Variants in CAMTA2 observed in about 807,000 individuals in gnomAD.
The protein encoded by CAMTA2 is calmodulin-binding transcription activator 2.
A neutral mutation model predicts 135.7 loss-of-function variants in CAMTA2; 56 were observed. The ratio of observed to expected loss-of-function variants is 0.41; its 90% confidence interval spans 0.33 to 0.52. The LOEUF (loss-of-function observed/expected upper bound fraction) is 0.52. Among genes scored for constraint, CAMTA2 ranks in the 20% least tolerant of loss-of-function variants. CAMTA2 has a pLI of 0.16. For missense variants in CAMTA2, 1,358 were observed against 1,553.4 expected (o/e 0.87, Z 2.11); for synonymous variants, 591 against 604.6 (o/e 0.98, Z 0.33).
intron 1 of CAMTA2, chr17:4,986,941 A>C: frequency 6.6e-7 from 1 of 1,520,288 alleles, no homozygotes; most frequent in East Asian, 2.6e-5. Flanking sequence ...CCTGGCCTCC[A>C]GGCCTAGCCT....
At chr17:4,987,443 T>C (rs1382142473) in intron 1 of CAMTA2, 150 bp downstream of exon 1, 2 of 1,381,692 alleles carry the variant, frequency 1.4e-6, no homozygotes, top group Non-Finnish European at 1.9e-6. Context: ...CGGCGCCCCC[T>C]GGCGCGGGGG....
chr17:4,981,886 G>T, intron 6 of CAMTA2, 55 bp from the exon 7 acceptor site: 1 of 1,517,386 alleles, frequency 6.6e-7, no homozygotes. Flanking sequence ...CAGGGGCTTG[G>T]CTTCCTAATC....
At chr17:4,987,105 G>C in intron 1 of CAMTA2, 1 of 1,373,292 alleles carries the variant, frequency 7.3e-7, no homozygotes, top group East Asian at 3.1e-5. Context: ...GTGAAGCTGG[G>C]GTTGGGGTAA....
In CAMTA2 at chr17:4,968,354, G is replaced by T. The variant is rs146677781; in HGVS notation, c.*402C>A. On this transcript the variant is annotated 3_prime_UTR_variant, in exon 23 of 23. Coordinates refer to ENST00000348066, the MANE Select transcript of CAMTA2 (RefSeq NM_015099.4). ...GGGGACACGGTCAGCCCTGAAACAC[G>T]AGGGGCGTGCGCAGCGAAGGCAGTG... 289 of 319,990 alleles carry T rather than the reference G, an allele frequency of 9.0e-4. 2 individuals are homozygous for T. Among genetic ancestry groups the T allele is most frequent in the Middle Eastern group, 2.9e-3 (3 of 1,030 alleles). 19.8% of individuals were successfully genotyped at this position (319,990 alleles called of 1,614,324 possible). A position where few individuals can be genotyped will look rare whatever the true frequency, so the allele number is the denominator to read the frequency against.
rs139180545 is a variant in CAMTA2, at chr17:4,981,796, G to A, written c.447C>T (p.Val149=). The A allele has an allele frequency of 6.4e-4, 1,033 of 1,612,030 alleles. 3 individuals carry two copies. The African/African-American group carries it at 0.011, about 17-fold the overall frequency. Residue 149 remains valine, a synonymous_variant, in exon 7 of 23, where the codon GTC becomes GTT. Coordinates refer to ENST00000348066, the MANE Select transcript of CAMTA2 (RefSeq NM_015099.4). Reference sequence around the variant, plus strand: ...CCTTTCCACAGTCCTCCAGGGCTGGGACGTTCAGGTAGTGCACAAGGACGA... The same window carrying A: ...CCTTTCCACAGTCCTCCAGGGCTGGAACGTTCAGGTAGTGCACAAGGACGA... The part of the protein sequence containing the change: ...PDIVLVHYLN[V]PALEDCGKGC...
chr17:4,973,403 CAAAGTGTTGT>C, intron 13 of CAMTA2, 150 bp from the exon 14 acceptor site: 1 of 873,560 alleles, frequency 1.1e-6, no homozygotes, highest in Non-Finnish European at 1.8e-6. Context: ...GTCAAGAAGT[CAAAGTGTTGT>C]AAGTCAGGAT....
intron 17 of CAMTA2, 95 bp from the exon 18 acceptor site, chr17:4,970,180 G>T: frequency 7.0e-7 from 1 of 1,420,082 alleles, no homozygotes; most frequent in Non-Finnish European, 9.8e-7. Context: ...CAGCAACTGA[G>T]TCTGGAGAGT....
intron 10 of CAMTA2, among the ~76,000 whole-genome samples, chr17:4,977,915 A>C (rs1701609447): frequency 6.6e-6 from 1 of 152,258 alleles, no homozygotes; most frequent in Admixed American, 6.5e-5. Flanking sequence ...AGAATGTTCT[A>C]TATCGTCACT....
At chr17:4,986,471 G>T in intron 1 of CAMTA2, 185 bp from the exon 2 acceptor site, 1 of 575,986 alleles carries the variant, frequency 1.7e-6, no homozygotes, top group Non-Finnish European at 3.1e-6. Flanking sequence ...GAGCCAATAT[G>T]AGTGAGCAGA....
rs759691472 is a variant in CAMTA2, at chr17:4,980,096, G to C, written c.1226C>G (p.Pro409Arg). ...AGCAGCAGGCTCTAGGGCAGAACAG[G>C]GGGTATGAGCGGCCTCTGCCTCGGG... ...DFPEAEAAHT[P>R]CSALEPAAAL... The change falls in exon 9 of 23, where the codon CCC becomes CGC. Residue 409 changes from proline (P) to arginine (R), a missense_variant. This residue lies in a region of CAMTA2 where 1,077 missense variants were observed against 1,127.5 expected (regional missense o/e 0.96). Coordinates refer to ENST00000348066, the MANE Select transcript of CAMTA2 (RefSeq NM_015099.4). This position sits in a 1 kb window ranked among gnomAD's most constrained non-coding sequence, Gnocchi z 5.3. The C allele has an allele frequency of 6.2e-7, 1 of 1,612,568 alleles. No individual in the cohort carries two copies. The highest frequency in any genetic ancestry group is 1.3e-5 in the African/African-American group (1 of 74,910).
At position 4,987,582 on chromosome 17, in the gene CAMTA2, C is replaced by T. The variant is rs1439751813; in HGVS notation, c.-65+11G>A. 2 of 1,524,502 alleles carry T rather than the reference C, an allele frequency of 1.3e-6. No homozygotes were observed. The highest frequency in any genetic ancestry group is 1.8e-6 in the Non-Finnish European group (2 of 1,141,656). 94.4% of individuals were successfully genotyped at this position (1,524,502 alleles called of 1,614,324 possible). On this transcript the variant is annotated intron_variant, in intron 1 of 22. Transcript: ENST00000348066. ...GGGGCGGAGAGGCGGGCGAGAGGCCCTGGCTCTTACCTCCCGGGGTCCCGC... is the reference window on the plus strand; with the variant it reads ...GGGGCGGAGAGGCGGGCGAGAGGCCTTGGCTCTTACCTCCCGGGGTCCCGC...
Position 4,979,827 on chromosome 17 carries a change from C to T in CAMTA2, c.1495G>A (p.Glu499Lys). 2 of 1,613,956 alleles carry T rather than the reference C, an allele frequency of 1.2e-6. No individual in the cohort carries two copies. The highest frequency in any genetic ancestry group is 4.5e-5 in the East Asian group (2 of 44,858). Residue 499 changes from glutamate to lysine, a missense_variant, in exon 9 of 23, where the codon GAG (glutamate) becomes AAG (lysine). Glu to Lys is a moderately conservative substitution (Grantham distance 56, BLOSUM62 1). This residue lies in a region of CAMTA2 where 1,077 missense variants were observed against 1,127.5 expected (regional missense o/e 0.96). Coordinates refer to ENST00000348066, the MANE Select transcript of CAMTA2 (RefSeq NM_015099.4). ...GGGAATGATGAAAGACTGAAGGGCT[C>T]CAGTTCACTGGCCCCAACAGGTCCT... The part of the protein sequence containing the change: ...FGGPVGASEL[E>K]PFSLSSFPDL...
rs774517550 is a variant in CAMTA2 at position 4,980,635 on chromosome 17, G to T, written c.701-14C>A. 1 of 1,602,806 alleles carries T rather than the reference G, an allele frequency of 6.2e-7. No individual in the cohort carries two copies. Among genetic ancestry groups the T allele is most frequent in the Non-Finnish European group, 8.5e-7 (1 of 1,170,378 alleles). ...GGCTCCCAGAACCTGGAGTGGAGAG[G>T]AGTAGGAGGGAGAGGAGATAAGACA... On this transcript the variant is annotated splice_polypyrimidine_tract_variant and intron_variant, in intron 8 of 22. Coordinates refer to ENST00000348066, the MANE Select transcript of CAMTA2 (RefSeq NM_015099.4). This position sits in a 1 kb window ranked among gnomAD's most constrained non-coding sequence, Gnocchi z 5.3.
In CAMTA2 at chr17:4,981,479, C is replaced by G. The variant is rs1846644656; in HGVS notation, c.566-120G>C. On this transcript the variant is annotated intron_variant, in intron 7 of 22. Transcript: ENST00000348066. ...TTCTGGCCAGGTGAACAGAGGCCAG[C>G]AGCCTCAAGACTGCTCAGATATGTT... is the stretch of plus-strand genomic sequence containing the variant. 4 of 1,411,360 alleles carry G rather than the reference C, an allele frequency of 2.8e-6. No individual in the cohort carries two copies. The South Asian group carries it at 5.2e-5, about 18-fold the overall frequency. The allele number at this position is 1,411,360 out of a possible 1,614,324, so 87.4% of individuals were successfully genotyped here. A position where few individuals can be genotyped will look rare whatever the true frequency, so the allele number is the denominator to read the frequency against.
intron 16 of CAMTA2, 57 bp from the exon 17 acceptor site, chr17:4,970,593 C>T (rs906337563): frequency 7.1e-7 from 1 of 1,410,354 alleles, no homozygotes; most frequent in Admixed American, 1.7e-5. Context: ...CAGCTGTAAC[C>T]TCAGTCCATT....
Position 4,972,822 on chromosome 17 carries a change from G to A in CAMTA2, c.2450C>T (p.Pro817Leu), listed in dbSNP as rs1319305612. 2 of 1,613,844 alleles carry A rather than the reference G, an allele frequency of 1.2e-6. No homozygotes were observed. The highest frequency in any genetic ancestry group is 1.7e-6 in the Non-Finnish European group (2 of 1,180,052). The change falls in exon 15 of 23, where the codon CCT (proline) becomes CTT (leucine). Residue 817 changes from proline (P) to leucine (L), a missense_variant. Transcript: ENST00000348066. ...RCLEELQRQE[P>L]SVEPPFALSP... ...TAGGGCAAATGGGGGCTCCACCGAA[G>A]GCTCCTGTCTCTGTAGTTCCTCAAG...
chr17:4,973,750 C>A lies in CAMTA2; in HGVS notation c.2036G>T (p.Gly679Val). The part of the protein sequence containing the change: ...PPVQDEGQGP[G>V]FEARVVVLVE... ...CAAGACCACTACCCGTGCTTCGAAC[C>A]CAGGCCCCTGGCCTTCATCCTGCGA... The change falls in exon 13 of 23, where the codon GGG becomes GTG. Residue 679 changes from glycine to valine, a missense_variant. By Grantham distance (109) the Gly-to-Val change is moderately radical (BLOSUM62 -3). Transcript: ENST00000348066. 21 of 1,610,698 alleles carry A rather than the reference C, an allele frequency of 1.3e-5. No homozygotes were observed. The highest frequency in any genetic ancestry group is 1.7e-5 in the Non-Finnish European group (20 of 1,177,736).
Position 4,986,898 on chromosome 17 carries a change from C to A in CAMTA2, c.-64-612G>T, listed in dbSNP as rs1310855891. The A allele has an allele frequency of 8.0e-6, 11 of 1,382,474 alleles. No homozygotes were observed. The African/African-American group carries it at 8.6e-5, about 11-fold the overall frequency. The allele number at this position is 1,382,474 out of a possible 1,614,324, so 85.6% of individuals were successfully genotyped here. ...ACCCTCCGGCTGACAGCCCTCTCTA[C>A]GTAGCTCCCTCTCCCCAAACGCCTC... On this transcript the variant is annotated intron_variant, in intron 1 of 22. Coordinates refer to ENST00000348066, the MANE Select transcript of CAMTA2 (RefSeq NM_015099.4).
chr17:4,974,009 T>G (rs988336930), intron 12 of CAMTA2: 9 of 560,464 alleles, frequency 1.6e-5, no homozygotes, highest in Admixed American at 6.7e-5. Flanking sequence ...CAGCTCAGAT[T>G]AGTGCCATGT....
Sources: allele counts gnomAD v4.1 joint callset (sites outside exome capture counted in the v4.1 genomes callset), GRCh38; gene constraint gnomAD v4.1.1; regional missense constraint gnomAD v4.1.1; non-coding constraint Gnocchi (gnomAD v3.1); transcripts MANE v1.5; gene names NCBI Gene and HGNC (gene_info 2026-07-23, HGNC 2026-07-21).